NRXN1: variants seen among roughly 807,000 people sequenced by gnomAD.
NRXN1 encodes the protein neurexin 1, also known as neurexin-1.
In NRXN1, 39 loss-of-function variants were observed where a neutral mutation model predicts 150.9. That is an observed-to-expected ratio of 0.26 (90% CI 0.20 to 0.34). NRXN1 has a LOEUF of 0.34. Among genes scored for constraint, NRXN1 ranks in the 10% least tolerant of loss-of-function variants. NRXN1 has a pLI of 1.00. For missense variants in NRXN1, 1,815 were observed against 1,949.9 expected (o/e 0.93, Z 1.30); for synonymous variants, 924 against 757.0 (o/e 1.22, Z -3.62).
At chr2:49,965,796 C>T (rs1676870991) in intron 21 of NRXN1, among the ~76,000 whole-genome samples, 1 of 152,132 alleles carries the variant, frequency 6.6e-6, no homozygotes, top group South Asian at 2.1e-4. Flanking sequence ...ACTTTCCTTC[C>T]CACTTCATTA....
At chr2:50,540,216 G>C (rs2093357675) in intron 9 of NRXN1, among the ~76,000 whole-genome samples, 1 of 152,178 alleles carries the variant, frequency 6.6e-6, no homozygotes, top group African/African-American at 2.4e-5. Context: ...CTTCCAATGA[G>C]GGGAGCAAAA....
In NRXN1 at chr2:50,166,279, ATGTGTGTGTGTG is replaced by A. The variant is rs70946894; in HGVS notation, c.3546+70498_3546+70509del. Among the ~76,000 whole-genome samples the A allele has an allele frequency of 1.4e-3, 185 of 131,616 alleles. 1 individual carries two copies. The highest frequency in any genetic ancestry group is 2.4e-3 in the African/African-American group (83 of 35,088). 86.3% of individuals were successfully genotyped at this position (131,616 alleles called of 152,430 possible). A position where few individuals can be genotyped will look rare whatever the true frequency, so the allele number is the denominator to read the frequency against. ...CATTTTGGATAGGAGTACTCAACGT[ATGTGTGTGTGTG>A]TGTGTGTGTGTGTGTGTGTGTGTGT... On this transcript the variant is annotated intron_variant, in intron 18 of 22. Coordinates refer to ENST00000401669, the MANE Select transcript of NRXN1 (RefSeq NM_001330078.2).
intron 18 of NRXN1, among the ~76,000 whole-genome samples, chr2:50,130,546 C>T (rs1705316102): frequency 6.6e-6 from 1 of 152,134 alleles, no homozygotes; most frequent in South Asian, 2.1e-4. Context: ...AGATTTCAAA[C>T]CGTGCTCCAA....
intron 17 of NRXN1, among the ~76,000 whole-genome samples, chr2:50,408,448 G>C (rs934055860): frequency 6.6e-6 from 1 of 152,214 alleles, no homozygotes; most frequent in African/African-American, 2.4e-5. Context: ...GCATGATGTA[G>C]CTGAGATAGC....
At chr2:50,128,840 G>A (rs959994150) in intron 18 of NRXN1, among the ~76,000 whole-genome samples, 4 of 151,674 alleles carry the variant, frequency 2.6e-5, no homozygotes, top group Admixed American at 6.6e-5. Flanking sequence ...AAAATTAACC[G>A]GGCATGGTGG....
At chr2:50,596,863 C>CT (rs3053104) in intron 8 of NRXN1, among the ~76,000 whole-genome samples, 26,815 of 91,584 alleles carry the variant, frequency 0.29, 5,404 homozygotes, top group African/African-American at 0.45. Flanking sequence ...ATTCCTAGGA[C>CT]TTTTTTTTTT....
At chr2:50,314,840 G>C (rs1479898729) in intron 17 of NRXN1, among the ~76,000 whole-genome samples, 1 of 151,788 alleles carries the variant, frequency 6.6e-6, no homozygotes, top group Admixed American at 6.6e-5. Context: ...CCTGAGCCTT[G>C]GGGTGTTTGG....
intron 12 of NRXN1, among the ~76,000 whole-genome samples, chr2:50,521,170 G>A (rs2092778453): frequency 6.6e-6 from 1 of 152,104 alleles, no homozygotes; most frequent in Non-Finnish European, 1.5e-5. Flanking sequence ...TTCTTCGTAA[G>A]CAACATTTAA....
chr2:50,754,401 A>G (rs1263378282), intron 5 of NRXN1, among the ~76,000 whole-genome samples: 1 of 151,692 alleles, frequency 6.6e-6, no homozygotes, highest in Non-Finnish European at 1.5e-5. Flanking sequence ...TGCAGAATCA[A>G]CTCCATTTTT....
At chr2:50,966,729 G>A (rs1223235251) in intron 2 of NRXN1, among the ~76,000 whole-genome samples, 1 of 151,854 alleles carries the variant, frequency 6.6e-6, no homozygotes, top group Non-Finnish European at 1.5e-5. Context: ...TAGATTGGCT[G>A]CCAGTGGGGA....
At chr2:50,073,353 A>G (rs1396674783) in intron 19 of NRXN1, among the ~76,000 whole-genome samples, 1 of 152,200 alleles carries the variant, frequency 6.6e-6, no homozygotes, top group South Asian at 2.1e-4. Context: ...AGCCGGTCTT[A>G]AATAAATATT....
intron 21 of NRXN1, among the ~76,000 whole-genome samples, chr2:50,027,344 C>T (rs893345184): frequency 1.4e-5 from 2 of 144,708 alleles, no homozygotes; most frequent in African/African-American, 2.6e-5. Flanking sequence ...TTCCTTTGTT[C>T]GTTCCCTTCC....
At chr2:50,284,832 C>T (rs1235913443) in intron 17 of NRXN1, among the ~76,000 whole-genome samples, 1 of 152,000 alleles carries the variant, frequency 6.6e-6, no homozygotes, top group Non-Finnish European at 1.5e-5. Context: ...CTTGCTTAAC[C>T]TCATGGATAA....
At chr2:49,937,381 G>A (rs1423203256) in intron 22 of NRXN1, among the ~76,000 whole-genome samples, 1 of 152,004 alleles carries the variant, frequency 6.6e-6, no homozygotes, top group African/African-American at 2.4e-5. Context: ...AATCTTCCTT[G>A]CCTGTTTAAC....
intron 18 of NRXN1, among the ~76,000 whole-genome samples, chr2:50,126,903 G>A (rs1315794194): frequency 6.6e-6 from 1 of 151,986 alleles, no homozygotes; most frequent in Non-Finnish European, 1.5e-5. Flanking sequence ...TCCTGAGTTG[G>A]AAACAGCACA....
intron 5 of NRXN1, among the ~76,000 whole-genome samples, chr2:50,681,585 A>G (rs547801915): frequency 2.0e-5 from 3 of 152,282 alleles, no homozygotes; most frequent in East Asian, 1.9e-4. Flanking sequence ...GAATGCATGT[A>G]TCAACCCACA....
intron 5 of NRXN1, among the ~76,000 whole-genome samples, chr2:50,887,989 T>C (rs181657594): frequency 1.3e-3 from 199 of 149,958 alleles, no homozygotes; most frequent in African/African-American, 4.6e-3. Context: ...TAGAAGAGGC[T>C]GGATAATGTA....
At chr2:50,615,842 T>C (rs1418372534) in intron 8 of NRXN1, 1 of 152,168 alleles carries the variant, frequency 6.6e-6, no homozygotes, top group East Asian at 1.9e-4. Context: ...ACTCAAAAAC[T>C]GCTTGTTAGA....
intron 5 of NRXN1, among the ~76,000 whole-genome samples, chr2:50,884,326 G>A (rs1679903468): frequency 6.6e-6 from 1 of 151,624 alleles, no homozygotes; most frequent in Non-Finnish European, 1.5e-5. Flanking sequence ...TGTCAATTTA[G>A]TTTTTTAGCA....
Sources: gnomAD v4.1 joint callset for allele counts (sites outside exome capture counted in the v4.1 genomes callset) on GRCh38, gnomAD v4.1.1 for gene constraint, MANE v1.5 for transcripts, NCBI Gene and HGNC (gene_info 2026-07-23, HGNC 2026-07-21) for gene names.